The following MEAF6 variants were observed in gnomAD, a reference collection of about 807,000 sequenced individuals.
MEAF6 encodes chromatin modification-related protein MEAF6.
MEAF6 carries 15 observed loss-of-function variants against 28.9 expected under a neutral mutation model. The ratio of observed to expected loss-of-function variants is 0.52; its 90% confidence interval spans 0.35 to 0.80. The LOEUF (loss-of-function observed/expected upper bound fraction) is 0.80, where lower values mean the gene tolerates loss of function less well. MEAF6 is among the 30% of genes least tolerant of loss of function. MEAF6 has a pLI of 0.01. For synonymous variants in MEAF6, 97 were observed against 88.7 expected, an observed-to-expected ratio of 1.09 and a Z score of -0.53; for missense variants, 178 against 237.5, an observed-to-expected ratio of 0.75 and a Z score of 1.65.
rs770758334 is a variant in MEAF6, at chr1:37,513,554, C to T, written c.91-16G>A. 2 of 1,573,110 alleles carry T rather than the reference C, an allele frequency of 1.3e-6. No homozygotes were observed. Among genetic ancestry groups the T allele is most frequent in the South Asian group, 2.2e-5 (2 of 90,240 alleles). ...CCAATGTTTCCTGAGAGATGAAAAA[C>T]AAGGACATGAATGATACCTTTTAAA... On this transcript the variant is annotated splice_polypyrimidine_tract_variant and intron_variant, in intron 1 of 6. Transcript: ENST00000296214.
chr1:37,502,941 AT>A (rs1448837855), intron 4 of MEAF6, among the ~76,000 whole-genome samples: 1 of 146,518 alleles, frequency 6.8e-6, no homozygotes, highest in African/African-American at 2.5e-5. Context: ...ATTTTATTTC[AT>A]TTTATTTCGA....
At chr1:37,509,221 T>C in intron 4 of MEAF6, 57 bp downstream of exon 4, 2 of 1,421,884 alleles carry the variant, frequency 1.4e-6, no homozygotes, top group Non-Finnish European at 9.9e-7. Context: ...GAATTAAGTG[T>C]AAGGGTGATG....
rs566569516 is a variant in MEAF6 at position 37,492,039 on chromosome 1, T to G, written c.*2060A>C. 6.6e-6 allele frequency among the ~76,000 whole-genome samples: 1 copy of G among 151,952 alleles called. No homozygotes were observed. The highest frequency in any genetic ancestry group is 6.6e-5 in the Admixed American group (1 of 15,236). On this transcript the variant is annotated 3_prime_UTR_variant, in exon 7 of 7. Transcript: ENST00000296214. ...AACTGTTAAGAGTCAAAAATATTTT[T>G]TTTTTTTGAGATGGAGTCTCGCTCT... is the stretch of plus-strand genomic sequence containing the variant.
chr1:37,495,871 C>T lies in MEAF6; in HGVS notation c.567+14G>A, dbSNP rs201681275. The T allele has an allele frequency of 1.7e-5, 28 of 1,613,614 alleles. No homozygotes were observed. The highest frequency in any genetic ancestry group is 2.7e-5 in the African/African-American group (2 of 75,004). Reference sequence around the variant, plus strand: ...AATTGCCAGCCTCTCTGAAGTGGTCCGGCTGATACTTACAGCTCGTGGTTT... The same window carrying T: ...AATTGCCAGCCTCTCTGAAGTGGTCTGGCTGATACTTACAGCTCGTGGTTT... On this transcript the variant is annotated intron_variant, in intron 6 of 6. Coordinates refer to ENST00000296214, the MANE Select transcript of MEAF6 (RefSeq NM_001270875.3).
chr1:37,494,718 C>G (rs944199896), intron 6 of MEAF6, among the ~76,000 whole-genome samples: 1 of 151,512 alleles, frequency 6.6e-6, no homozygotes, highest in Non-Finnish European at 1.5e-5. Flanking sequence ...GTGGTCTCAG[C>G]TACCCAGGAG....
In MEAF6 at chr1:37,501,979, T is replaced by C; in HGVS notation, c.358A>G (p.Thr120Ala). Residue 120 changes from threonine (T) to alanine (A), a missense_variant, in exon 5 of 7, where the codon ACG (threonine) becomes GCG (alanine). Thr to Ala is a moderately conservative substitution (Grantham distance 58, BLOSUM62 0). Coordinates refer to ENST00000296214, the MANE Select transcript of MEAF6 (RefSeq NM_001270875.3). ...LIEKREPGSG[T>A]ESDTSPDFHN... Reference sequence around the variant, plus strand: ...AAGTCTGGAGAAGTGTCACTTTCCGTCCCACTTCCTGGCTCCCCTGAAGGA... The same window carrying C: ...AAGTCTGGAGAAGTGTCACTTTCCGCCCCACTTCCTGGCTCCCCTGAAGGA... The C allele has an allele frequency of 1.2e-6, 2 of 1,604,776 alleles. No homozygotes were observed. The highest frequency in any genetic ancestry group is 1.7e-4 in the Middle Eastern group (1 of 6,012).
chr1:37,495,814 G>C lies in MEAF6; in HGVS notation c.567+71C>G. The C allele has an allele frequency of 3.4e-6, 5 of 1,473,788 alleles. 1 individual carries two copies. In the Admixed American group the frequency reaches 8.4e-5, roughly 25 times the overall value. 91.3% of individuals were successfully genotyped at this position (1,473,788 alleles called of 1,614,324 possible). On this transcript the variant is annotated intron_variant, in intron 6 of 6. Coordinates refer to ENST00000296214, the MANE Select transcript of MEAF6 (RefSeq NM_001270875.3). ...TCCAGGTTAGGAACACTCAAGCTCT[G>C]AAGACAAATACATTTTTCTAATCAT...
chr1:37,507,678 T>C (rs1297884228), intron 4 of MEAF6, among the ~76,000 whole-genome samples: 2 of 151,950 alleles, frequency 1.3e-5, no homozygotes, highest in African/African-American at 4.8e-5. Flanking sequence ...TGGAAATGTC[T>C]AGAAGGAAAT....
At chr1:37,498,499 A>C (rs566886134) in intron 5 of MEAF6, among the ~76,000 whole-genome samples, 1 of 151,746 alleles carries the variant, frequency 6.6e-6, no homozygotes, top group East Asian at 1.9e-4. Context: ...GCAGTAGCTC[A>C]CTGAAGCTTC....
Position 37,493,683 on chromosome 1 carries a change from C to A in MEAF6, c.*416G>T. 1.0e-6 allele frequency: 1 copy of A among 997,828 alleles called. No individual in the cohort carries two copies. The highest frequency in any genetic ancestry group is 1.5e-6 in the Non-Finnish European group (1 of 662,992). The allele number at this position is 997,828 out of a possible 1,614,324, so 61.8% of individuals were successfully genotyped here. A position where few individuals can be genotyped will look rare whatever the true frequency, so the allele number is the denominator to read the frequency against. ...AAACATAAAACAATATAAGAAAATGCCAGATATTTACAGCCTCCATCTGAA... is the reference window on the plus strand; with the variant it reads ...AAACATAAAACAATATAAGAAAATGACAGATATTTACAGCCTCCATCTGAA... On this transcript the variant is annotated 3_prime_UTR_variant, in exon 7 of 7. Transcript: ENST00000296214.
chr1:37,504,000 C>T (rs2148075286), intron 4 of MEAF6, among the ~76,000 whole-genome samples: 1 of 152,272 alleles, frequency 6.6e-6, no homozygotes, highest in Admixed American at 6.5e-5. Flanking sequence ...GGCTCTGTGT[C>T]CCTACCTAAA....
At chr1:37,496,510 T>C (rs1366639545) in intron 5 of MEAF6, 2 of 1,115,144 alleles carry the variant, frequency 1.8e-6, no homozygotes, top group African/African-American at 1.6e-5. Context: ...AAGTGAAGTT[T>C]ACTTAATTTT....
At chr1:37,512,370 G>A (rs1362227302) in intron 2 of MEAF6, among the ~76,000 whole-genome samples, 1 of 152,180 alleles carries the variant, frequency 6.6e-6, no homozygotes, top group East Asian at 1.9e-4. Flanking sequence ...AATGTGAAAT[G>A]TAAATATAGA....
chr1:37,509,205 T>C (rs941573953), intron 4 of MEAF6, 73 bp downstream of exon 4: 8 of 1,294,136 alleles, frequency 6.2e-6, no homozygotes, highest in Admixed American at 3.5e-5. Flanking sequence ...AGATACACAA[T>C]TGGATGAATT....
At chr1:37,511,156 C>A (rs185006080) in intron 2 of MEAF6, among the ~76,000 whole-genome samples, 1 of 152,292 alleles carries the variant, frequency 6.6e-6, no homozygotes, top group Admixed American at 6.5e-5. Context: ...GATACCAGGT[C>A]TGGGACAAAA....
intron 4 of MEAF6, 145 bp from the exon 5 acceptor site, chr1:37,502,141 CAT>C: frequency 2.0e-6 from 1 of 497,118 alleles, no homozygotes; most frequent in Non-Finnish European, 3.5e-6. Flanking sequence ...AGAGAAGATA[CAT>C]GTTGACAGAG....
Position 37,490,628 on chromosome 1 carries a change from T to C in MEAF6, c.*3471A>G, listed in dbSNP as rs941238261. ...GAAATGATCATAGCATACTGTAGCCTTGAACTTCTGGCTTCAAGCGATCCT... is the reference window on the plus strand; with the variant it reads ...GAAATGATCATAGCATACTGTAGCCCTGAACTTCTGGCTTCAAGCGATCCT... On this transcript the variant is annotated 3_prime_UTR_variant, in exon 7 of 7. Coordinates refer to ENST00000296214, the MANE Select transcript of MEAF6 (RefSeq NM_001270875.3). 6.6e-6 allele frequency among the ~76,000 whole-genome samples: 1 copy of C among 152,194 alleles called. No individual in the cohort carries two copies.
chr1:37,513,387 G>C (rs770705115), intron 2 of MEAF6, 36 bp downstream of exon 2: 3 of 1,534,148 alleles, frequency 2.0e-6, no homozygotes, highest in African/African-American at 1.4e-5. Context: ...ACGTTACTAG[G>C]GCACAATAGG....
intron 6 of MEAF6, 155 bp downstream of exon 6, chr1:37,495,730 A>G (rs1642111790): frequency 1.9e-6 from 1 of 519,710 alleles, no homozygotes; most frequent in Admixed American, 3.4e-5. Flanking sequence ...CAAAAAAACC[A>G]CCTAAAAGTT....
Sources: allele counts gnomAD v4.1 joint callset (sites outside exome capture counted in the v4.1 genomes callset), GRCh38; gene constraint gnomAD v4.1.1; transcripts MANE v1.5; gene names NCBI Gene and HGNC (gene_info 2026-07-23, HGNC 2026-07-21).